Variants in LPAR1 observed in about 807,000 individuals in gnomAD.
LPAR1 encodes lysophosphatidic acid receptor 1, also known as LPA receptor 1.
A neutral mutation model predicts 23.8 loss-of-function variants in LPAR1; 5 were observed. The ratio of observed to expected loss-of-function variants is 0.21; its 90% CI spans 0.11 to 0.44. The LOEUF is 0.44. Ranked by LOEUF, LPAR1 falls within the 20% of genes least tolerant of loss-of-function variation. The pLI is 0.99. For missense variants in LPAR1, 311 were observed against 482.8 expected (o/e 0.64, Z 3.33); for synonymous variants, 160 against 164.7 (o/e 0.97, Z 0.22).
intron 2 of LPAR1, among the ~76,000 whole-genome samples, chr9:110,977,484 C>T (rs904698112): frequency 3.3e-5 from 5 of 152,196 alleles, no homozygotes; most frequent in African/African-American, 1.2e-4. Flanking sequence ...GCAAACTTCC[C>T]TTTGATTACT....
chr9:110,979,164 A>AAT (rs1349911309), intron 2 of LPAR1, among the ~76,000 whole-genome samples: 1 of 152,040 alleles, frequency 6.6e-6, no homozygotes, highest in Non-Finnish European at 1.5e-5. Flanking sequence ...ACCATTCCAC[A>AAT]ATATATATAT....
intron 5 of LPAR1, among the ~76,000 whole-genome samples, chr9:110,886,310 G>A (rs12004188): frequency 0.062 from 8,669 of 140,536 alleles, 498 homozygotes; most frequent in African/African-American, 0.15. Flanking sequence ...GTTGCAGTGA[G>A]CAAAGATTGC....
chr9:110,925,837 G>A (rs957722940), intron 5 of LPAR1, among the ~76,000 whole-genome samples: 7 of 152,192 alleles, frequency 4.6e-5, no homozygotes, highest in African/African-American at 1.7e-4. Context: ...ACTCTACCCA[G>A]TTATAGATGG....
chr9:110,930,716 G>C (rs920182019), intron 5 of LPAR1, among the ~76,000 whole-genome samples: 2 of 151,400 alleles, frequency 1.3e-5, no homozygotes, highest in African/African-American at 4.9e-5. Flanking sequence ...GTGAGTTCTA[G>C]ACCAGCCTGA....
At chr9:110,903,704 A>C (rs1005214801) in intron 5 of LPAR1, among the ~76,000 whole-genome samples, 2 of 152,076 alleles carry the variant, frequency 1.3e-5, no homozygotes, top group Admixed American at 1.3e-4. Flanking sequence ...TCCAGAATAG[A>C]GGGAGAAAAA....
At position 111,028,710 on chromosome 9, in the gene LPAR1, T is replaced by C. The variant is rs965170963; in HGVS notation, c.-182+7412A>G. Among the ~76,000 whole-genome samples, 15 of 152,282 alleles carry C rather than the reference T, an allele frequency of 9.9e-5. 1 individual carries two copies. The East Asian group carries it at 1.2e-3, about 12-fold the overall frequency. The stretch of plus-strand genomic sequence containing the variant: ...AGCTTAAAATTATTTGATCAGACTT[T>C]TAAAACCTCTATGACAAACCTTTAC... On this transcript the variant is annotated intron_variant, in intron 2 of 5. Transcript: ENST00000683809.
At chr9:110,880,014 A>G (rs1446232593) in intron 5 of LPAR1, among the ~76,000 whole-genome samples, 1 of 152,214 alleles carries the variant, frequency 6.6e-6, no homozygotes, top group Non-Finnish European at 1.5e-5. Context: ...AAGACATCTA[A>G]TGGAAATGCC....
At chr9:110,899,778 T>C (rs569453316) in intron 5 of LPAR1, among the ~76,000 whole-genome samples, 44 of 152,300 alleles carry the variant, frequency 2.9e-4, no homozygotes, top group African/African-American at 1.0e-3. Flanking sequence ...TTTGAGTACA[T>C]AAATTAACCT....
At chr9:110,876,720 A>G (rs1018102200) in intron 5 of LPAR1, among the ~76,000 whole-genome samples, 2 of 152,238 alleles carry the variant, frequency 1.3e-5, no homozygotes, top group African/African-American at 4.8e-5. Context: ...AATTTAGATC[A>G]ACTTTGTTCT....
intron 2 of LPAR1, among the ~76,000 whole-genome samples, chr9:111,019,940 T>C (rs1056809265): frequency 9.2e-5 from 14 of 152,174 alleles, no homozygotes; most frequent in African/African-American, 3.4e-4. Flanking sequence ...GCCAGCATGG[T>C]TGGTTTCTGG....
intron 5 of LPAR1, among the ~76,000 whole-genome samples, chr9:110,878,971 G>A (rs2079912255): frequency 6.6e-6 from 1 of 152,078 alleles, no homozygotes; most frequent in South Asian, 2.1e-4. Context: ...GGTTCTCATG[G>A]GTCAATGCCA....
chr9:110,974,813 T>C (rs2096518565), intron 2 of LPAR1, among the ~76,000 whole-genome samples: 1 of 152,190 alleles, frequency 6.6e-6, no homozygotes, highest in Non-Finnish European at 1.5e-5. Context: ...CCTTTCTTTT[T>C]TCAAGATGAC....
chr9:110,903,108 A>G (rs895332593), intron 5 of LPAR1, among the ~76,000 whole-genome samples: 1 of 152,218 alleles, frequency 6.6e-6, no homozygotes, highest in African/African-American at 2.4e-5. Flanking sequence ...AAATTCCAGG[A>G]TAGAATGAAA....
At chr9:110,967,684 T>C (rs1472008361) in intron 4 of LPAR1, among the ~76,000 whole-genome samples, 1 of 152,202 alleles carries the variant, frequency 6.6e-6, no homozygotes, top group Non-Finnish European at 1.5e-5. Context: ...CCTAAGAAGA[T>C]GCTATATCTA....
At position 110,941,662 on chromosome 9, in the gene LPAR1, C is replaced by T. The variant is rs774085348; in HGVS notation, c.552G>A (p.Val184=). Residue 184 remains valine, a synonymous_variant, in exon 5 of 6, where the codon GTG becomes GTA. Coordinates refer to ENST00000683809, the MANE Select transcript of LPAR1 (RefSeq NM_001351411.2). The surrounding 1 kb of genome is among the most constrained non-coding windows in gnomAD (Gnocchi z 6.1). ...MAIVMGAIPS[V]GWNCICDIEN... ...CAATATCACAGATACAGTTCCAGCC[C>T]ACACTGGGTATAGCACCCATAACGA... The T allele has an allele frequency of 1.3e-5, 21 of 1,614,074 alleles. No homozygotes were observed. In the South Asian group the frequency reaches 2.2e-4, roughly 17 times the overall value.
chr9:110,953,802 A>G (rs2095648882), intron 4 of LPAR1, among the ~76,000 whole-genome samples: 1 of 152,208 alleles, frequency 6.6e-6, no homozygotes, highest in African/African-American at 2.4e-5. Flanking sequence ...ATCTTCAGGA[A>G]AACATCCTCC....
At chr9:111,015,902 A>G (rs1260340930) in intron 2 of LPAR1, among the ~76,000 whole-genome samples, 1 of 151,550 alleles carries the variant, frequency 6.6e-6, no homozygotes, top group Non-Finnish European at 1.5e-5. Flanking sequence ...ATGGTTCCCC[A>G]TTGCCCCAAG....
Position 110,958,274 on chromosome 9 carries a change from A to G in LPAR1, c.45+13799T>C, listed in dbSNP as rs530358690. On this transcript the variant is annotated intron_variant, in intron 4 of 5. Transcript: ENST00000683809. ...AAAAACAAGCCTAAATAGCTAAAGC[A>G]ATCCTGAGCAAAAAGAACAAAGCTG... is the stretch of plus-strand genomic sequence containing the variant. Among the ~76,000 whole-genome samples the G allele has an allele frequency of 9.2e-5, 14 of 152,358 alleles. No individual in the cohort carries two copies. The South Asian group carries it at 2.9e-3, about 32-fold the overall frequency.
intron 2 of LPAR1, among the ~76,000 whole-genome samples, chr9:110,982,117 A>T (rs527437035): frequency 6.6e-6 from 1 of 152,178 alleles, no homozygotes; most frequent in Non-Finnish European, 1.5e-5. Context: ...CAGCCATCCC[A>T]TTACTGGGTA....
Sources: gnomAD v4.1 joint callset for allele counts (sites outside exome capture counted in the v4.1 genomes callset) on GRCh38, gnomAD v4.1.1 for gene constraint, Gnocchi (gnomAD v3.1) non-coding constraint, MANE v1.5 for transcripts, NCBI Gene and HGNC (gene_info 2026-07-23, HGNC 2026-07-21) for gene names.